LTBP2: variants seen among roughly 807,000 people sequenced by gnomAD.
LTBP2 encodes latent-transforming growth factor beta-binding protein 2.
LTBP2 carries 103 observed loss-of-function variants against 210.6 expected under a neutral mutation model. That is an observed-to-expected ratio of 0.49 (90% CI 0.42 to 0.58). The LOEUF (loss-of-function observed/expected upper bound fraction) is 0.58, where lower values mean the gene tolerates loss of function less well. Among genes scored for constraint, LTBP2 ranks in the 20% least tolerant of loss-of-function variants. The pLI is 0.00. For synonymous variants in LTBP2, 1,007 were observed against 1,015.0 expected (o/e 0.99, Z 0.15); for missense variants, 2,313 against 2,494.5 (o/e 0.93, Z 1.55).
chr14:74,612,000 G>T lies in LTBP2; in HGVS notation c.-56C>A, dbSNP rs1374631240. ...GGGCACCGCGAAGAGCTTTGTGGTC[G>T]GCACGCTGGACGCCCGCGGGCTGTT... On this transcript the variant is annotated 5_prime_UTR_variant, in exon 1 of 36. Coordinates refer to ENST00000261978, the MANE Select transcript of LTBP2 (RefSeq NM_000428.3). 5.5e-6 allele frequency: 8 copies of T among 1,460,540 alleles called. No individual in the cohort carries two copies. The highest frequency in any genetic ancestry group is 2.8e-5 in the South Asian group (2 of 70,406). 90.5% of individuals were successfully genotyped at this position (1,460,540 alleles called of 1,614,324 possible).
chr14:74,553,153 G>C, intron 4 of LTBP2, 91 bp from the exon 5 acceptor site: 1 of 1,274,616 alleles, frequency 7.8e-7, no homozygotes, highest in East Asian at 2.4e-5. Context: ...TGGGACTAGG[G>C]CTGCATTCAT....
rs559055327 is a variant in LTBP2 at position 74,562,987 on chromosome 14, C to T, written c.831-7294G>A. On this transcript the variant is annotated intron_variant, in intron 3 of 35. Transcript: ENST00000261978. ...GTCCCCTTTCTGGCTTGTGTATCTGCAAGTGTAGCAGCTAAAGGCTTATAC... is the reference window on the plus strand; with the variant it reads ...GTCCCCTTTCTGGCTTGTGTATCTGTAAGTGTAGCAGCTAAAGGCTTATAC... Among the ~76,000 whole-genome samples the T allele has an allele frequency of 1.4e-4, 22 of 152,284 alleles. No individual in the cohort carries two copies. The South Asian group carries it at 4.4e-3, about 30-fold the overall frequency.
chr14:74,590,353 A>C (rs2088265223), intron 2 of LTBP2, among the ~76,000 whole-genome samples: 1 of 152,256 alleles, frequency 6.6e-6, no homozygotes, highest in Non-Finnish European at 1.5e-5. Flanking sequence ...CTACTGCAGC[A>C]CAATTCATGA....
intron 3 of LTBP2, among the ~76,000 whole-genome samples, chr14:74,564,544 G>A (rs540815858): frequency 6.1e-5 from 9 of 147,456 alleles, no homozygotes; most frequent in African/African-American, 2.3e-4. Context: ...ACAGGTGCTC[G>A]CCACCATGCC....
At chr14:74,563,079 T>C (rs760925666) in intron 3 of LTBP2, among the ~76,000 whole-genome samples, 1 of 152,142 alleles carries the variant, frequency 6.6e-6, no homozygotes, top group African/African-American at 2.4e-5. Flanking sequence ...CCCACCACCA[T>C]GACCACACAG....
intron 3 of LTBP2, among the ~76,000 whole-genome samples, chr14:74,578,151 C>T (rs1437397091): frequency 6.6e-6 from 1 of 152,074 alleles, no homozygotes; most frequent in Non-Finnish European, 1.5e-5. Flanking sequence ...AGTGGCCAAC[C>T]TGCATCCTGC....
chr14:74,534,773 T>A (rs970044801), intron 9 of LTBP2, among the ~76,000 whole-genome samples: 1 of 151,924 alleles, frequency 6.6e-6, no homozygotes, highest in African/African-American at 2.4e-5. Context: ...CGCATGCGGG[T>A]GCAGAGATGA....
chr14:74,550,055 G>T, intron 7 of LTBP2, 90 bp from the exon 8 acceptor site: 1 of 847,682 alleles, frequency 1.2e-6, no homozygotes, highest in Non-Finnish European at 2.0e-6. Flanking sequence ...AGGACACAGA[G>T]CTCACTCCCC....
intron 16 of LTBP2, among the ~76,000 whole-genome samples, chr14:74,522,324 C>T (rs2087215987): frequency 6.6e-6 from 1 of 152,192 alleles, no homozygotes; most frequent in South Asian, 2.1e-4. Context: ...CCTTTGAAAC[C>T]ACAATGGATA....
chr14:74,596,552 G>T (rs1266297725), intron 2 of LTBP2, among the ~76,000 whole-genome samples: 4 of 152,260 alleles, frequency 2.6e-5, no homozygotes, highest in Non-Finnish European at 5.9e-5. Context: ...AGATGCCGCT[G>T]CAGGAAGTTT....
At chr14:74,568,872 A>G (rs2087936935) in intron 3 of LTBP2, among the ~76,000 whole-genome samples, 1 of 152,166 alleles carries the variant, frequency 6.6e-6, no homozygotes, top group African/African-American at 2.4e-5. Flanking sequence ...TCATCCTATG[A>G]ACCTCATGCT....
chr14:74,586,087 G>A lies in LTBP2; in HGVS notation c.597C>T (p.Gly199=), dbSNP rs1173544751. 2 of 1,600,672 alleles carry A rather than the reference G, an allele frequency of 1.2e-6. No homozygotes were observed. The highest frequency in any genetic ancestry group is 1.1e-5 in the South Asian group (1 of 88,826). ...CACAGAGCTGCGGGCGGCTGCAGGA[G>A]CCCCGGTTCTGGCACGGCGGCTCGC... ...PVCEPPCQNR[G]SCSRPQLCVC... The change falls in exon 3 of 36, where the codon GGC becomes GGT. Residue 199 remains glycine, a synonymous_variant. Coordinates refer to ENST00000261978, the MANE Select transcript of LTBP2 (RefSeq NM_000428.3). This position sits in a 1 kb window ranked among gnomAD's most constrained non-coding sequence, Gnocchi z 4.6.
intron 30 of LTBP2, among the ~76,000 whole-genome samples, chr14:74,504,556 G>A (rs2086958127): frequency 6.6e-6 from 1 of 152,230 alleles, no homozygotes; most frequent in Non-Finnish European, 1.5e-5. Flanking sequence ...TGCAGCTTGG[G>A]AGAGCAGGGA....
chr14:74,534,370 A>C (rs142313507), intron 9 of LTBP2, among the ~76,000 whole-genome samples: 1 of 152,344 alleles, frequency 6.6e-6, no homozygotes, highest in East Asian at 1.9e-4. Flanking sequence ...CCACGTACAC[A>C]GTACTTTCTG....
Position 74,611,523 on chromosome 14 carries a change from G to T in LTBP2, c.422C>A (p.Ala141Asp). The change falls in exon 1 of 36, where the codon GCT becomes GAT. Residue 141 changes from alanine to aspartate, a missense_variant. Ala to Asp is a moderately radical substitution (Grantham distance 126). Transcript: ENST00000261978. ...QPAPRTRAAPALPRLGTPQRS... is the reference protein window; with the variant it reads ...QPAPRTRAAPDLPRLGTPQRS... ...CTGTGGGGTCCCCAGGCGTGGGAGA[G>T]CCGGCGCGGCCCGGGTCCGGGGTGC... is the stretch of plus-strand genomic sequence containing the variant. 1.3e-6 allele frequency: 2 copies of T among 1,543,870 alleles called. No homozygotes were observed. Among genetic ancestry groups the T allele is most frequent in the Non-Finnish European group, 8.7e-7 (1 of 1,154,314 alleles).
chr14:74,551,389 G>A lies in LTBP2; in HGVS notation c.1400-39C>T, dbSNP rs756037769. ...CTAGAGTCAGAGCCAGGGAAGCAGG[G>A]CCCCACCCTCATTTCCAACCCTCTG... is the stretch of plus-strand genomic sequence containing the variant. On this transcript the variant is annotated intron_variant, in intron 6 of 35. Transcript: ENST00000261978. 7.9e-6 allele frequency: 12 copies of A among 1,509,900 alleles called. No homozygotes were observed. In the Admixed American group the frequency reaches 1.9e-4, roughly 24 times the overall value. The allele number at this position is 1,509,900 out of a possible 1,614,324, so 93.5% of individuals were successfully genotyped here.
chr14:74,548,459 T>A (rs1183053576), intron 8 of LTBP2, among the ~76,000 whole-genome samples: 4 of 152,122 alleles, frequency 2.6e-5, no homozygotes, highest in Non-Finnish European at 5.9e-5. Context: ...AGGGCCTGCA[T>A]GCTATGGCCT....
Position 74,509,320 on chromosome 14 carries a change from G to A in LTBP2, c.3321C>T (p.Val1107=), listed in dbSNP as rs1434746874. The A allele has an allele frequency of 1.9e-6, 3 of 1,613,540 alleles. No homozygotes were observed. The highest frequency in any genetic ancestry group is 2.5e-6 in the Non-Finnish European group (3 of 1,179,922). ...AGAAGGAGCCAGCCGTGTTGGTGCA[G>A]ACTCCGGAGGGGCAGACTCCCGGGA... ...CAFPGVCPSG[V]CTNTAGSFSC... The change falls in exon 22 of 36, where the codon GTC becomes GTT. Residue 1107 remains valine (V), a synonymous_variant. Coordinates refer to ENST00000261978, the MANE Select transcript of LTBP2 (RefSeq NM_000428.3).
In LTBP2 at chr14:74,498,513, A is replaced by G. The variant is rs1294736996; in HGVS notation, c.*2371T>C. ...ATACAGCTGTAAAATGAAATGAGGC[A>G]GCTCTAATTGCAAGTATAAAAAAAA... On this transcript the variant is annotated 3_prime_UTR_variant, in exon 36 of 36. Coordinates refer to ENST00000261978, the MANE Select transcript of LTBP2 (RefSeq NM_000428.3). 1 of 222,744 alleles carries G rather than the reference A, an allele frequency of 4.5e-6. No homozygotes were observed. Among genetic ancestry groups the G allele is most frequent in the Admixed American group, 5.7e-5 (1 of 17,414 alleles). 13.8% of individuals were successfully genotyped at this position (222,744 alleles called of 1,614,324 possible).
Sources: gnomAD v4.1 joint callset for allele counts (sites outside exome capture counted in the v4.1 genomes callset) on GRCh38, gnomAD v4.1.1 for gene constraint, Gnocchi (gnomAD v3.1) non-coding constraint, MANE v1.5 for transcripts, NCBI Gene and HGNC (gene_info 2026-07-23, HGNC 2026-07-21) for gene names.